Variants in MPHOSPH8 observed in about 807,000 individuals in gnomAD.
MPHOSPH8 encodes the protein M-phase phosphoprotein, mpp.
A neutral mutation model predicts 87.3 loss-of-function variants in MPHOSPH8; 45 were observed. The ratio of observed to expected loss-of-function variants is 0.52; its 90% CI spans 0.41 to 0.66. MPHOSPH8 has a LOEUF of 0.66. Among genes scored for constraint, MPHOSPH8 ranks in the 30% least tolerant of loss-of-function variants. The pLI is 0.00. For synonymous variants in MPHOSPH8, 366 were observed against 376.9 expected, an observed-to-expected ratio of 0.97 and a Z score of 0.33; for missense variants, 883 against 1,020.2, an observed-to-expected ratio of 0.87 and a Z score of 1.83.
intron 9 of MPHOSPH8, 49 bp downstream of exon 9, chr13:19,663,175 C>A (rs996123497): frequency 6.7e-7 from 1 of 1,492,452 alleles, no homozygotes; most frequent in South Asian, 1.1e-5. Flanking sequence ...TTGGCAGGTG[C>A]TCGTGTTGGC....
chr13:19,658,453 A>G (rs934241475), intron 5 of MPHOSPH8, among the ~76,000 whole-genome samples: 4 of 123,348 alleles, frequency 3.2e-5, no homozygotes, highest in African/African-American at 1.1e-4. Flanking sequence ...CTGTCGGGGA[A>G]GACTCTAGCA....
At chr13:19,658,430 G>T (rs145965667) in intron 5 of MPHOSPH8, among the ~76,000 whole-genome samples, 3 of 151,626 alleles carry the variant, frequency 2.0e-5, no homozygotes, top group Admixed American at 1.3e-4. Context: ...CAGTGTTCCC[G>T]TGCCTGTAGG....
rs1182505581 is a variant in MPHOSPH8, at chr13:19,666,524, G to A, written c.2119G>A (p.Ala707Thr). Residue 707 changes from alanine (A) to threonine (T), a missense_variant, in exon 10 of 14, where the codon GCG (alanine) becomes ACG (threonine). Physicochemically the swap from Ala to Thr is moderately conservative, Grantham distance 58. Coordinates refer to ENST00000361479, the MANE Select transcript of MPHOSPH8 (RefSeq NM_017520.4). The part of the protein sequence containing the change: ...SKHQNSALHF[A>T]KQSNNVLVYD... Reference sequence around the variant, plus strand: ...GCACCAGAATAGTGCCCTGCACTTTGCGAAGCAGTCTAACAATGTGCTTGT... The same window carrying A: ...GCACCAGAATAGTGCCCTGCACTTTACGAAGCAGTCTAACAATGTGCTTGT... 1.2e-6 allele frequency: 2 copies of A among 1,606,104 alleles called. No individual in the cohort carries two copies. Among genetic ancestry groups the A allele is most frequent in the Non-Finnish European group, 1.7e-6 (2 of 1,173,492 alleles).
chr13:19,643,372 A>G (rs1874397031), intron 2 of MPHOSPH8, among the ~76,000 whole-genome samples: 1 of 152,022 alleles, frequency 6.6e-6, no homozygotes, highest in Non-Finnish European at 1.5e-5. Flanking sequence ...CAGCCTCCCA[A>G]GCAGCTAGGA....
At chr13:19,640,053 C>T (rs915222667) in intron 1 of MPHOSPH8, among the ~76,000 whole-genome samples, 2 of 151,980 alleles carry the variant, frequency 1.3e-5, no homozygotes, top group Non-Finnish European at 2.9e-5. Flanking sequence ...TTGCAGTGAG[C>T]CAAGATCGCG....
At chr13:19,663,013 TA>T (rs758461552) in intron 8 of MPHOSPH8, 26 bp from the exon 9 acceptor site, 1 of 1,553,120 alleles carries the variant, frequency 6.4e-7, no homozygotes, top group South Asian at 1.1e-5. Flanking sequence ...TTTGGGAAAT[TA>T]AATTTGCCTT....
chr13:19,660,122 G>A (rs897257130), intron 7 of MPHOSPH8, among the ~76,000 whole-genome samples: 7 of 149,982 alleles, frequency 4.7e-5, no homozygotes, highest in East Asian at 1.9e-4. Flanking sequence ...CACCTCGCCC[G>A]GCTAATTTTT....
At chr13:19,652,887 C>T (rs1874937040) in intron 5 of MPHOSPH8, among the ~76,000 whole-genome samples, 1 of 152,162 alleles carries the variant, frequency 6.6e-6, no homozygotes, top group African/African-American at 2.4e-5. Flanking sequence ...TAGATTCCTC[C>T]TCTCTGGGCA....
intron 5 of MPHOSPH8, among the ~76,000 whole-genome samples, chr13:19,658,392 G>A (rs1297143320): frequency 2.0e-5 from 3 of 152,192 alleles, no homozygotes; most frequent in Non-Finnish European, 4.4e-5. Context: ...TGATTGCAGT[G>A]GTGATAAAGG....
chr13:19,644,879 C>CA (rs944303315), intron 2 of MPHOSPH8, among the ~76,000 whole-genome samples: 3 of 152,078 alleles, frequency 2.0e-5, no homozygotes, highest in African/African-American at 7.2e-5. Context: ...CCTGATGCTC[C>CA]AAAGTTTTTG....
At chr13:19,660,423 A>G (rs1875463426) in intron 7 of MPHOSPH8, among the ~76,000 whole-genome samples, 1 of 152,136 alleles carries the variant, frequency 6.6e-6, no homozygotes, top group African/African-American at 2.4e-5. Context: ...TCTTGCTTAG[A>G]AAATATTTTT....
At chr13:19,640,940 CTAA>C (rs1304753427) in intron 1 of MPHOSPH8, among the ~76,000 whole-genome samples, 1 of 152,084 alleles carries the variant, frequency 6.6e-6, no homozygotes, top group East Asian at 1.9e-4. Flanking sequence ...TAGTATTATC[CTAA>C]TGTTTTAAAA....
At chr13:19,669,342 C>T (rs922501716) in intron 11 of MPHOSPH8, among the ~76,000 whole-genome samples, 1 of 149,254 alleles carries the variant, frequency 6.7e-6, no homozygotes, top group East Asian at 2.0e-4. Context: ...CCACCGTGCG[C>T]GTTCAGTAAT....
At chr13:19,667,984 A>G (rs1355663904) in intron 10 of MPHOSPH8, among the ~76,000 whole-genome samples, 2 of 152,278 alleles carry the variant, frequency 1.3e-5, no homozygotes, top group Non-Finnish European at 2.9e-5. Context: ...CTCTGGTCAC[A>G]CGGGGGGTTT....
chr13:19,633,980 G>A lies in MPHOSPH8; in HGVS notation c.213+19G>A, dbSNP rs781532130. On this transcript the variant is annotated intron_variant, in intron 1 of 13. Coordinates refer to ENST00000361479, the MANE Select transcript of MPHOSPH8 (RefSeq NM_017520.4). Reference sequence around the variant, plus strand: ...CGAGGGGGTATGTGGAGGGGCCCCGGCGCGGGGCTGGGCGGGGAGCTCCGG... The same window carrying A: ...CGAGGGGGTATGTGGAGGGGCCCCGACGCGGGGCTGGGCGGGGAGCTCCGG... The A allele has an allele frequency of 5.0e-6, 8 of 1,596,038 alleles. No homozygotes were observed. Among genetic ancestry groups the A allele is most frequent in the Middle Eastern group, 1.7e-4 (1 of 6,050 alleles).
intron 1 of MPHOSPH8, among the ~76,000 whole-genome samples, chr13:19,637,119 G>A (rs1874049996): frequency 6.6e-6 from 1 of 152,174 alleles, no homozygotes; most frequent in African/African-American, 2.4e-5. Flanking sequence ...TGTTGAATGA[G>A]TGAATGAATG....
Position 19,637,534 on chromosome 13 carries a change from G to A in MPHOSPH8, c.213+3573G>A, listed in dbSNP as rs1415970271. Among the ~76,000 whole-genome samples the A allele has an allele frequency of 2.6e-5, 4 of 151,846 alleles. No individual in the cohort carries two copies. The East Asian group carries it at 7.8e-4, about 30-fold the overall frequency. Reference sequence around the variant, plus strand: ...AAACAAGGATCATTTTTGTTCCCATGACCCATTACTGATAAAATTAGCTGA... The same window carrying A: ...AAACAAGGATCATTTTTGTTCCCATAACCCATTACTGATAAAATTAGCTGA... On this transcript the variant is annotated intron_variant, in intron 1 of 13. Coordinates refer to ENST00000361479, the MANE Select transcript of MPHOSPH8 (RefSeq NM_017520.4).
At position 19,648,513 on chromosome 13, in the gene MPHOSPH8, G is replaced by T. The variant is rs750606222; in HGVS notation, c.1310G>T (p.Gly437Val). 1 of 1,558,028 alleles carries T rather than the reference G, an allele frequency of 6.4e-7. No homozygotes were observed. Among genetic ancestry groups the T allele is most frequent in the South Asian group, 1.2e-5 (1 of 82,940 alleles). ...KEEKGRKEPK[G>V]LKTLKEIRNA... ...GAAAAAGGCAGAAAAGAGCCAAAAGGATTAAAGAGTGAGTGTAAATATTAA... is the reference window on the plus strand; with the variant it reads ...GAAAAAGGCAGAAAAGAGCCAAAAGTATTAAAGAGTGAGTGTAAATATTAA... Residue 437 changes from glycine (G) to valine (V), a missense_variant, in exon 4 of 14, where the codon GGA becomes GTA. Transcript: ENST00000361479.
At position 19,670,322 on chromosome 13, in the gene MPHOSPH8, G is replaced by A; in HGVS notation, c.2416G>A (p.Ala806Thr). 6.2e-7 allele frequency: 1 copy of A among 1,614,184 alleles called. No homozygotes were observed. The change falls in exon 12 of 14, where the codon GCT becomes ACT. Residue 806 changes from alanine to threonine, a missense_variant. Around this residue, in one of 3 missense-constraint regions of MPHOSPH8, gnomAD observed 741 missense variants for 841.5 expected, o/e 0.88. Coordinates refer to ENST00000361479, the MANE Select transcript of MPHOSPH8 (RefSeq NM_017520.4). ...ARLCGPCSVQAVVLNDKFQLP... is the reference protein window; with the variant it reads ...ARLCGPCSVQTVVLNDKFQLP... ...GCTCTGTGGACCGTGTAGTGTACAA[G>A]CTGTAGTTCTGAATGATAAATTTCA...
Sources: allele counts gnomAD v4.1 joint callset (sites outside exome capture counted in the v4.1 genomes callset), GRCh38; gene constraint gnomAD v4.1.1; regional missense constraint gnomAD v4.1.1; transcripts MANE v1.5; gene names NCBI Gene and HGNC (gene_info 2026-07-23, HGNC 2026-07-21).